Variants in RBM19 observed in about 807,000 individuals in gnomAD.
RBM19 encodes probable RNA-binding protein 19.
Under a neutral mutation model 116.8 loss-of-function variants are expected in RBM19, and 94 were observed. The ratio of observed to expected loss-of-function variants is 0.80; its 90% CI spans 0.68 to 0.95. The LOEUF (loss-of-function observed/expected upper bound fraction) is 0.95, where lower values mean the gene tolerates loss of function less well. RBM19 is among the 40% of genes least tolerant of loss of function. The pLI is 0.00. For synonymous variants in RBM19, 475 were observed against 494.1 expected (o/e 0.96, Z 0.51); for missense variants, 1,161 against 1,220.7 (o/e 0.95, Z 0.73).
downstream of RBM19, among the ~76,000 whole-genome samples, chr12:113,818,528 AG>A (rs1874206039): frequency 6.6e-6 from 1 of 152,238 alleles, no homozygotes. Flanking sequence ...TGCTGGGTGC[AG>A]CCCCACAAGC....
rs1199599533 is a variant in RBM19, at chr12:113,825,311, C to T, written c.2786-1990G>A. ...TGCAGCTCTACCCATCATTGTTAAT[C>T]ATGAAAAGGGAGAGGGGGACAGGGT... On this transcript the variant is annotated intron_variant, in intron 23 of 23. Coordinates refer to ENST00000261741, the MANE Select transcript of RBM19 (RefSeq NM_016196.4). The surrounding 1 kb of genome is among the most constrained non-coding windows in gnomAD (Gnocchi z 5.7). Among the ~76,000 whole-genome samples the T allele has an allele frequency of 1.4e-5, 2 of 145,220 alleles. No individual in the cohort carries two copies. Among genetic ancestry groups the T allele is most frequent in the Non-Finnish European group, 3.0e-5 (2 of 65,890 alleles).
At chr12:113,831,622 C>A (rs1875421007) in intron 23 of RBM19, among the ~76,000 whole-genome samples, 1 of 152,234 alleles carries the variant, frequency 6.6e-6, no homozygotes, top group Non-Finnish European at 1.5e-5. Context: ...TTAGCCCTAG[C>A]AGGGATTCCT....
At chr12:113,943,144 G>A (rs933895161) in intron 13 of RBM19, among the ~76,000 whole-genome samples, 3 of 152,166 alleles carry the variant, frequency 2.0e-5, no homozygotes, top group African/African-American at 7.2e-5. Flanking sequence ...CCACCCTTGC[G>A]GTGACACCCT....
chr12:113,843,014 T>G (rs1876633436), intron 23 of RBM19, among the ~76,000 whole-genome samples: 1 of 152,184 alleles, frequency 6.6e-6, no homozygotes, highest in African/African-American at 2.4e-5. Context: ...GGGGCTTCCC[T>G]GCTATCTCTG....
chr12:113,946,503 A>G (rs1871038762), intron 11 of RBM19, 28 bp from the exon 12 acceptor site: 1 of 1,613,876 alleles, frequency 6.2e-7, no homozygotes. Flanking sequence ...GAAGGGAGTA[A>G]ACAGAAGCCT....
At chr12:113,875,906 C>T (rs995198134) in intron 21 of RBM19, among the ~76,000 whole-genome samples, 1 of 152,144 alleles carries the variant, frequency 6.6e-6, no homozygotes, top group Non-Finnish European at 1.5e-5. Context: ...GGCCACACCT[C>T]CCCTGTCCTC....
intron 14 of RBM19, among the ~76,000 whole-genome samples, chr12:113,941,233 A>T (rs1335786410): frequency 6.6e-6 from 1 of 152,184 alleles, no homozygotes. Context: ...GAGGGGAGTG[A>T]AAACCATCTG....
At chr12:113,833,598 G>A (rs1314311339) in intron 23 of RBM19, among the ~76,000 whole-genome samples, 3 of 152,298 alleles carry the variant, frequency 2.0e-5, no homozygotes, top group African/African-American at 4.8e-5. Context: ...TACCTGGGAT[G>A]GTTCTCCCCA....
intron 21 of RBM19, among the ~76,000 whole-genome samples, chr12:113,883,042 C>CAGAG (rs567200530): frequency 2.0e-5 from 3 of 149,786 alleles, no homozygotes; most frequent in Admixed American, 2.0e-4. Flanking sequence ...GAAAGAGAGA[C>CAGAG]AGAGAGAGAG....
chr12:113,844,631 G>C, intron 23 of RBM19, 37 bp downstream of exon 23: 1 of 1,584,242 alleles, frequency 6.3e-7, no homozygotes. Flanking sequence ...TCCCCAGGGG[G>C]CCCATGAGTC....
At chr12:113,844,334 C>T (rs1031734931) in intron 23 of RBM19, among the ~76,000 whole-genome samples, 1 of 152,226 alleles carries the variant, frequency 6.6e-6, no homozygotes, top group African/African-American at 2.4e-5. Flanking sequence ...CCAACGGCCA[C>T]GAGCTGTGAC....
downstream of RBM19, among the ~76,000 whole-genome samples, chr12:113,819,494 C>T (rs185134348): frequency 0.011 from 1,631 of 152,302 alleles, 10 homozygotes; most frequent in Middle Eastern, 0.017. Flanking sequence ...AGTCCTGAGC[C>T]GGGTCAGGAG....
intron 4 of RBM19, 97 bp from the exon 5 acceptor site, chr12:113,959,501 G>A: frequency 7.5e-7 from 1 of 1,332,284 alleles, no homozygotes; most frequent in Non-Finnish European, 1.0e-6. Flanking sequence ...TAACTCTTAA[G>A]AGGGTGAGAA....
chr12:113,830,680 AGT>A (rs1875336893), intron 23 of RBM19, among the ~76,000 whole-genome samples: 1 of 145,074 alleles, frequency 6.9e-6, no homozygotes. Context: ...AAGCAAGGGG[AGT>A]GTCCCGGTGA....
Position 113,959,886 on chromosome 12 carries a change from C to G in RBM19, c.357G>C (p.Lys119Asn), listed in dbSNP as rs762025832. ...TCACCTTCTCCAGTTGACCTGCCAC[C>G]TTTTTCTTCTTCTCATCCTGAAAAC... Reference protein sequence around the residue: ...PEIKKDEKKKKVAGQLEKLKE... With the variant: ...PEIKKDEKKKNVAGQLEKLKE... The change falls in exon 4 of 24, where the codon AAG becomes AAC. Residue 119 changes from lysine to asparagine, a missense_variant. Physicochemically the swap from Lys to Asn is moderately conservative, Grantham distance 94. Coordinates refer to ENST00000261741, the MANE Select transcript of RBM19 (RefSeq NM_016196.4). The G allele has an allele frequency of 1.2e-6, 2 of 1,614,168 alleles. No individual in the cohort carries two copies. The highest frequency in any genetic ancestry group is 1.7e-6 in the Non-Finnish European group (2 of 1,180,028).
intron 16 of RBM19, among the ~76,000 whole-genome samples, chr12:113,935,102 AAAG>A (rs1869932779): frequency 6.6e-6 from 1 of 152,218 alleles, no homozygotes; most frequent in South Asian, 2.1e-4. Context: ...GTTAGAGAAA[AAAG>A]AAGACAGCAG....
intron 23 of RBM19, among the ~76,000 whole-genome samples, chr12:113,840,237 G>C (rs777755650): frequency 2.0e-5 from 3 of 152,222 alleles, no homozygotes; most frequent in Non-Finnish European, 4.4e-5. Context: ...AAAATGCAAT[G>C]AGGAATTCAG....
At chr12:113,821,519 T>C (rs940367148), downstream of RBM19, among the ~76,000 whole-genome samples, 1 of 152,156 alleles carries the variant, frequency 6.6e-6, no homozygotes, top group African/African-American at 2.4e-5. Context: ...GGGACCCTGG[T>C]CACCTGAGGG....
intron 20 of RBM19, among the ~76,000 whole-genome samples, chr12:113,915,751 T>G (rs1189950278): frequency 2.0e-5 from 3 of 152,238 alleles, no homozygotes; most frequent in Non-Finnish European, 4.4e-5. Flanking sequence ...CACTGTAGAA[T>G]GGGTGTAATG....
Sources: allele counts gnomAD v4.1 joint callset (sites outside exome capture counted in the v4.1 genomes callset), GRCh38; gene constraint gnomAD v4.1.1; non-coding constraint Gnocchi (gnomAD v3.1); transcripts MANE v1.5; gene names NCBI Gene and HGNC (gene_info 2026-07-23, HGNC 2026-07-21).